The following FAM135B variants were observed in gnomAD, a reference collection of about 807,000 sequenced individuals.
FAM135B encodes the protein family with sequence similarity 135 member B.
In FAM135B, 43 loss-of-function variants were observed where a neutral mutation model predicts 127.7. The observed-to-expected ratio is 0.34, with a 90% CI of 0.26 to 0.43. The LOEUF (loss-of-function observed/expected upper bound fraction) is 0.43, where lower values mean the gene tolerates loss of function less well. FAM135B is among the 20% of genes least tolerant of loss of function. The probability of loss-of-function intolerance (pLI) is 1.00; values close to 1 mark genes in which losing one functional copy is unlikely to be tolerated. For synonymous variants in FAM135B, 670 were observed against 665.1 expected (o/e 1.01, Z -0.11); for missense variants, 1,558 against 1,725.6 (o/e 0.90, Z 1.72).
intron 2 of FAM135B, among the ~76,000 whole-genome samples, chr8:138,342,890 G>A (rs1424700976): frequency 2.6e-5 from 4 of 152,180 alleles, no homozygotes; most frequent in African/African-American, 4.8e-5. Flanking sequence ...ACCCAAACAC[G>A]TGTGCATCCA....
intron 4 of FAM135B, among the ~76,000 whole-genome samples, chr8:138,258,227 T>C (rs1254177381): frequency 1.3e-5 from 2 of 152,240 alleles, no homozygotes; most frequent in Admixed American, 6.5e-5. Context: ...TTTTGGTTTT[T>C]GTTTCTTTGC....
chr8:138,238,357 A>G (rs996158887), intron 7 of FAM135B, among the ~76,000 whole-genome samples: 2 of 152,172 alleles, frequency 1.3e-5, no homozygotes, highest in African/African-American at 2.4e-5. Flanking sequence ...TTTGACTGAT[A>G]AGCCAAGAGT....
chr8:138,219,219 C>T (rs1213805940), intron 7 of FAM135B, among the ~76,000 whole-genome samples: 3 of 152,088 alleles, frequency 2.0e-5, no homozygotes, highest in Non-Finnish European at 2.9e-5. Flanking sequence ...TTCAATTATG[C>T]GTAACATGGG....
chr8:138,238,282 G>C (rs1410938453), intron 7 of FAM135B, among the ~76,000 whole-genome samples: 1 of 152,164 alleles, frequency 6.6e-6, no homozygotes, highest in Non-Finnish European at 1.5e-5. Flanking sequence ...GTATGCTCAA[G>C]GCCTTTATAA....
At position 138,152,676 on chromosome 8, in the gene FAM135B, C is replaced by A. The variant is rs372045505; in HGVS notation, c.1799G>T (p.Ser600Ile). The change falls in exon 13 of 20, where the codon AGC becomes ATC. Residue 600 changes from serine to isoleucine, a missense_variant. Around this residue, in one of 5 missense-constraint regions of FAM135B, gnomAD observed 923 missense variants for 865.3 expected, o/e 1.07. Transcript: ENST00000395297. ...TGLSKVVVGG[S>I]HQNAISSDKT... is the part of the protein sequence containing the mutation. ...GTCTGAAGAGATGGCATTTTGGTGG[C>A]TTCCACCTACTACCACTTTGCTTAG... The A allele has an allele frequency of 6.2e-7, 1 of 1,614,170 alleles. No homozygotes were observed. The highest frequency in any genetic ancestry group is 8.5e-7 in the Non-Finnish European group (1 of 1,180,018).
intron 3 of FAM135B, among the ~76,000 whole-genome samples, chr8:138,283,127 T>C (rs1260958840): frequency 1.3e-5 from 2 of 152,044 alleles, no homozygotes; most frequent in Admixed American, 1.3e-4. Flanking sequence ...TCTCACTCTC[T>C]TGACCTCGTG....
At chr8:138,189,609 G>C (rs1815926650) in intron 9 of FAM135B, among the ~76,000 whole-genome samples, 1 of 152,246 alleles carries the variant, frequency 6.6e-6, no homozygotes, top group East Asian at 1.9e-4. Flanking sequence ...CTGCTGTGAG[G>C]CCCACATGGA....
At chr8:138,316,451 G>A (rs1176700608) in intron 2 of FAM135B, among the ~76,000 whole-genome samples, 2 of 151,160 alleles carry the variant, frequency 1.3e-5, no homozygotes, top group Non-Finnish European at 2.9e-5. Flanking sequence ...CGGAGATCGC[G>A]CCACAGCACT....
At chr8:138,201,872 TC>T (rs754737469) in intron 7 of FAM135B, among the ~76,000 whole-genome samples, 2 of 151,912 alleles carry the variant, frequency 1.3e-5, no homozygotes, top group Non-Finnish European at 2.9e-5. Flanking sequence ...AGGCCTGTAA[TC>T]CCAGCACTTT....
At chr8:138,190,124 G>A (rs911356264) in intron 9 of FAM135B, among the ~76,000 whole-genome samples, 2 of 152,082 alleles carry the variant, frequency 1.3e-5, no homozygotes, top group Admixed American at 1.3e-4. Context: ...TAATAAACCT[G>A]CCTTTCTTTA....
At chr8:138,424,905 A>G (rs1834753835) in intron 1 of FAM135B, among the ~76,000 whole-genome samples, 1 of 152,162 alleles carries the variant, frequency 6.6e-6, no homozygotes, top group South Asian at 2.1e-4. Context: ...TTTTATGAAT[A>G]TTGTTCATTC....
At chr8:138,289,023 T>C (rs555256448) in intron 3 of FAM135B, among the ~76,000 whole-genome samples, 1 of 152,272 alleles carries the variant, frequency 6.6e-6, no homozygotes, top group African/African-American at 2.4e-5. Flanking sequence ...GAAAACACAA[T>C]GTATTTGCTT....
intron 7 of FAM135B, among the ~76,000 whole-genome samples, chr8:138,206,378 T>C (rs80348278): frequency 2.2e-3 from 246 of 113,932 alleles, no homozygotes; most frequent in South Asian, 3.7e-3. Context: ...CCCACAACTC[T>C]ATCATCCCCT....
At chr8:138,410,702 C>T (rs954749447) in intron 1 of FAM135B, among the ~76,000 whole-genome samples, 1 of 152,184 alleles carries the variant, frequency 6.6e-6, no homozygotes, top group Non-Finnish European at 1.5e-5. Flanking sequence ...TAAATTACCT[C>T]AGCCACTGTG....
chr8:138,234,961 A>G (rs1195215719), intron 7 of FAM135B, among the ~76,000 whole-genome samples: 1 of 152,228 alleles, frequency 6.6e-6, no homozygotes, highest in Non-Finnish European at 1.5e-5. Context: ...TCCTTCATCC[A>G]TAAAACAAGT....
At chr8:138,142,640 T>C (rs1386257173) in intron 16 of FAM135B, among the ~76,000 whole-genome samples, 4 of 152,188 alleles carry the variant, frequency 2.6e-5, no homozygotes, top group African/African-American at 9.6e-5. Context: ...TTCCTCTTAA[T>C]AGATAAGAAA....
At chr8:138,310,610 T>G (rs1325132959) in intron 3 of FAM135B, among the ~76,000 whole-genome samples, 2 of 152,240 alleles carry the variant, frequency 1.3e-5, no homozygotes, top group East Asian at 3.9e-4. Flanking sequence ...CTCCAAATAC[T>G]GGCTGTTCCT....
At chr8:138,351,683 CTT>C (rs889424592) in intron 2 of FAM135B, among the ~76,000 whole-genome samples, 16 of 109,448 alleles carry the variant, frequency 1.5e-4, no homozygotes, top group South Asian at 3.3e-4. Flanking sequence ...TAGGGCAGAT[CTT>C]TTTTTTTTTT....
At chr8:138,356,091 C>A (rs1161669549) in intron 2 of FAM135B, among the ~76,000 whole-genome samples, 1 of 152,124 alleles carries the variant, frequency 6.6e-6, no homozygotes, top group East Asian at 1.9e-4. Flanking sequence ...AGCACTAGGG[C>A]CCTCACCAGG....
Sources: allele counts gnomAD v4.1 joint callset (sites outside exome capture counted in the v4.1 genomes callset), GRCh38; gene constraint gnomAD v4.1.1; regional missense constraint gnomAD v4.1.1; transcripts MANE v1.5; gene names NCBI Gene and HGNC (gene_info 2026-07-23, HGNC 2026-07-21).